Variants in MMP15 observed in about 807,000 individuals in gnomAD.
MMP15 encodes the protein matrix metallopeptidase 15, also known as matrix metalloproteinase-15.
A neutral mutation model predicts 65.0 loss-of-function variants in MMP15; 36 were observed. The observed-to-expected ratio is 0.55, with a 90% CI of 0.42 to 0.73. The LOEUF is 0.73. MMP15 is among the 30% of genes least tolerant of loss of function. The probability of loss-of-function intolerance (pLI) is 0.00; values close to 1 mark genes in which losing one functional copy is unlikely to be tolerated. For missense variants in MMP15, 870 were observed against 987.8 expected, an observed-to-expected ratio of 0.88 and a Z score of 1.60; for synonymous variants, 428 against 410.2, an observed-to-expected ratio of 1.04 and a Z score of -0.52.
Position 58,026,519 on chromosome 16 carries a change from C to A in MMP15, c.162+7C>A, listed in dbSNP as rs1227330270. 6.8e-6 allele frequency: 9 copies of A among 1,330,790 alleles called. No homozygotes were observed. Among genetic ancestry groups the A allele is most frequent in the African/African-American group, 3.1e-5 (2 of 65,100 alleles). The allele number at this position is 1,330,790 out of a possible 1,614,324, so 82.4% of individuals were successfully genotyped here. A position where few individuals can be genotyped will look rare whatever the true frequency, so the allele number is the denominator to read the frequency against. On this transcript the variant is annotated splice_region_variant and intron_variant, in intron 1 of 9. Transcript: ENST00000219271. Reference sequence around the variant, plus strand: ...CGCGGAGGTCCATGCCGAGGTAAGACCCCCGCCCTGCCCTTTGGCTGCGGG... The same window carrying A: ...CGCGGAGGTCCATGCCGAGGTAAGAACCCCGCCCTGCCCTTTGGCTGCGGG...
At chr16:58,031,853 CTTTTTTTTTTTTT>C (rs749779284) in intron 1 of MMP15, among the ~76,000 whole-genome samples, 16 of 57,748 alleles carry the variant, frequency 2.8e-4, no homozygotes, top group East Asian at 1.2e-3. Context: ...TCGATGCCGC[CTTTTTTTTTTTTT>C]TTTTTTTTTT....
intron 3 of MMP15, among the ~76,000 whole-genome samples, chr16:58,039,377 A>G (rs1959400772): frequency 6.6e-6 from 1 of 152,274 alleles, no homozygotes; most frequent in Non-Finnish European, 1.5e-5. Context: ...GGTTGCAGTG[A>G]GCCGAGATTG....
chr16:58,037,455 T>C lies in MMP15; in HGVS notation c.163-17T>C, dbSNP rs1597064268. ...GCAGTGCCAGGACCTGCTGACAGAG[T>C]TGCGGCTTCTTTGCAGAACTGGCTG... On this transcript the variant is annotated splice_polypyrimidine_tract_variant and intron_variant, in intron 1 of 9. Transcript: ENST00000219271. 1 of 1,612,212 alleles carries C rather than the reference T, an allele frequency of 6.2e-7. No homozygotes were observed. Among genetic ancestry groups the C allele is most frequent in the East Asian group, 2.2e-5 (1 of 44,838 alleles).
intron 1 of MMP15, among the ~76,000 whole-genome samples, chr16:58,037,202 A>G (rs1959348514): frequency 6.6e-6 from 1 of 152,222 alleles, no homozygotes; most frequent in Admixed American, 6.5e-5. Context: ...TGGCTCTTGT[A>G]CAAATGGCTT....
chr16:58,045,220 G>C lies in MMP15; in HGVS notation c.1784G>C (p.Gly595Ala). 6.3e-7 allele frequency: 1 copy of C among 1,598,278 alleles called. No homozygotes were observed. The stretch of plus-strand genomic sequence containing the variant: ...GCGGACAGCGCAGAGGGCGACGTGG[G>C]GGATGGGGATGGGGACTTTGGGGCC... ...PGADSAEGDVGDGDGDFGAGV... is the reference protein window; with the variant it reads ...PGADSAEGDVADGDGDFGAGV... The change falls in exon 10 of 10, where the codon GGG becomes GCG. Residue 595 changes from glycine to alanine, a missense_variant. Gly to Ala is a moderately conservative substitution (Grantham distance 60). Coordinates refer to ENST00000219271, the MANE Select transcript of MMP15 (RefSeq NM_002428.4).
chr16:58,045,545 C>G lies in MMP15; in HGVS notation c.*99C>G. 2.1e-6 allele frequency: 2 copies of G among 934,542 alleles called. No individual in the cohort carries two copies. Among genetic ancestry groups the G allele is most frequent in the African/African-American group, 3.3e-5 (2 of 60,080 alleles). 57.9% of individuals were successfully genotyped at this position (934,542 alleles called of 1,614,324 possible). On this transcript the variant is annotated 3_prime_UTR_variant, in exon 10 of 10. Transcript: ENST00000219271. ...CCCCCAGGTAGGGGCCCCTCTCAGC[C>G]CTCACACACCCTGTCTGCCCCGCCC...
rs1959538934 is a variant in MMP15 at position 58,045,286 on chromosome 16, T to C, written c.1850T>C (p.Met617Thr). The change falls in exon 10 of 10, where the codon ATG (methionine) becomes ACG (threonine). Residue 617 changes from methionine to threonine, a missense_variant. Coordinates refer to ENST00000219271, the MANE Select transcript of MMP15 (RefSeq NM_002428.4). ...KDGGSRVVVQ[M>T]EEVARTVNVV... is the part of the protein sequence containing the mutation. ...GGGGGCAGCCGCGTGGTGGTGCAGA[T>C]GGAGGAGGTGGCACGGACGGTGAAC... 3 of 1,610,826 alleles carry C rather than the reference T, an allele frequency of 1.9e-6. No individual in the cohort carries two copies. The highest frequency in any genetic ancestry group is 1.7e-6 in the Non-Finnish European group (2 of 1,179,452).
chr16:58,036,796 C>T (rs1959338312), intron 1 of MMP15, among the ~76,000 whole-genome samples: 1 of 152,192 alleles, frequency 6.6e-6, no homozygotes, highest in Non-Finnish European at 1.5e-5. Flanking sequence ...GTCCTGAATC[C>T]TTTTGGGTCC....
chr16:58,030,764 T>C (rs1473303968), intron 1 of MMP15, among the ~76,000 whole-genome samples: 2 of 152,188 alleles, frequency 1.3e-5, no homozygotes, highest in African/African-American at 2.4e-5. Context: ...ACACCCTGTG[T>C]CCAGAGCCTC....
Position 58,045,643 on chromosome 16 carries a change from C to G in MMP15, c.*197C>G. ...ACTTGACCATTTGTTTCTGTTTCCC[C>G]GACTGGGGCAGGGTGTTTAGAATTT... On this transcript the variant is annotated 3_prime_UTR_variant, in exon 10 of 10. Transcript: ENST00000219271. 2 of 572,044 alleles carry G rather than the reference C, an allele frequency of 3.5e-6. No homozygotes were observed. The highest frequency in any genetic ancestry group is 3.0e-6 in the Non-Finnish European group (1 of 329,470). The allele number at this position is 572,044 out of a possible 1,614,324, so 35.4% of individuals were successfully genotyped here.
At chr16:58,043,445 C>G in intron 8 of MMP15, 67 bp from the exon 9 acceptor site, 1 of 1,597,884 alleles carries the variant, frequency 6.3e-7, no homozygotes, top group Non-Finnish European at 8.5e-7. Flanking sequence ...GAATCCACTG[C>G]CTGTGGGGAA....
chr16:58,032,168 G>GCCAC (rs1419764283), intron 1 of MMP15, among the ~76,000 whole-genome samples: 3 of 152,200 alleles, frequency 2.0e-5, no homozygotes, highest in African/African-American at 7.2e-5. Flanking sequence ...CCCTGCCCAT[G>GCCAC]CCACCTTTCT....
At chr16:58,042,209 G>A (rs781567872) in intron 6 of MMP15, 22 bp from the exon 7 acceptor site, 6 of 1,605,822 alleles carry the variant, frequency 3.7e-6, no homozygotes, top group Admixed American at 1.7e-5. Flanking sequence ...TGCGCTGCCC[G>A]CTCACACTAT....
intron 1 of MMP15, among the ~76,000 whole-genome samples, chr16:58,036,121 C>G (rs1198779468): frequency 1.3e-5 from 2 of 152,192 alleles, no homozygotes; most frequent in Admixed American, 6.5e-5. Flanking sequence ...CTCAGAGTGC[C>G]AGCCTTAAGG....
At chr16:58,034,359 C>T (rs1186895760) in intron 1 of MMP15, among the ~76,000 whole-genome samples, 14 of 151,028 alleles carry the variant, frequency 9.3e-5, no homozygotes, top group African/African-American at 3.4e-4. Context: ...GCCCCACCCC[C>T]GCGTCCCCGC....
intron 4 of MMP15, 90 bp from the exon 5 acceptor site, chr16:58,040,447 C>G: frequency 1.4e-6 from 2 of 1,476,352 alleles, no homozygotes; most frequent in Non-Finnish European, 1.8e-6. Context: ...AGGGCAGGCT[C>G]TCTGGCAGCC....
Position 58,045,174 on chromosome 16 carries a change from C to T in MMP15, c.1738C>T (p.His580Tyr), listed in dbSNP as rs200566682. 9.6e-4 allele frequency: 1,535 copies of T among 1,593,500 alleles called. 1 individual carries two copies. Among genetic ancestry groups the T allele is most frequent in the South Asian group, 1.5e-3 (134 of 88,724 alleles). Residue 580 changes from histidine to tyrosine, a missense_variant, in exon 10 of 10, where the codon CAC becomes TAC. His to Tyr is a moderately conservative substitution (Grantham distance 83). Transcript: ENST00000219271. ...PDVARPPFNPHGGAEPGADSA... is the reference protein window; with the variant it reads ...PDVARPPFNPYGGAEPGADSA... Reference sequence around the variant, plus strand: ...CGTGGCCCGGCCGCCCTTCAACCCCCACGGGGGTGCAGAGCCCGGGGCGGA... The same window carrying T: ...CGTGGCCCGGCCGCCCTTCAACCCCTACGGGGGTGCAGAGCCCGGGGCGGA...
At chr16:58,036,955 G>A (rs1180343530) in intron 1 of MMP15, among the ~76,000 whole-genome samples, 1 of 152,228 alleles carries the variant, frequency 6.6e-6, no homozygotes, top group Non-Finnish European at 1.5e-5. Flanking sequence ...GGAGGAAGGA[G>A]GGGGTGCAGG....
chr16:58,036,178 GA>G (rs1399888256), intron 1 of MMP15, among the ~76,000 whole-genome samples: 31 of 152,200 alleles, frequency 2.0e-4, no homozygotes, highest in Admixed American at 1.9e-3. Context: ...GTCAGACACA[GA>G]CACTTGCAGT....
Sources: gnomAD v4.1 joint callset for allele counts (sites outside exome capture counted in the v4.1 genomes callset) on GRCh38, gnomAD v4.1.1 for gene constraint, MANE v1.5 for transcripts, NCBI Gene and HGNC (gene_info 2026-07-23, HGNC 2026-07-21) for gene names.